Variants in COPS5 observed in about 807,000 individuals in gnomAD.
COPS5 encodes the protein COP9 signalosome subunit 5.
A neutral mutation model predicts 44.4 loss-of-function variants in COPS5; 8 were observed. The observed-to-expected ratio is 0.18, with a 90% CI of 0.11 to 0.32. The LOEUF (loss-of-function observed/expected upper bound fraction) is 0.32, where lower values mean the gene tolerates loss of function less well. Among genes scored for constraint, COPS5 ranks in the 10% least tolerant of loss-of-function variants. The pLI is 1.00. For missense variants in COPS5, 159 were observed against 406.4 expected, an observed-to-expected ratio of 0.39 and a Z score of 5.23; for synonymous variants, 122 against 142.8, an observed-to-expected ratio of 0.85 and a Z score of 1.04.
At chr8:67,045,277 C>A (rs1466352350) in intron 7 of COPS5, 1 of 152,404 alleles carries the variant, frequency 6.6e-6, no homozygotes, top group Non-Finnish European at 1.5e-5. Flanking sequence ...CATGGTGAAA[C>A]CCCATCTCTA....
At chr8:67,050,437 C>T (rs1165727377) in intron 6 of COPS5, among the ~76,000 whole-genome samples, 2 of 152,210 alleles carry the variant, frequency 1.3e-5, no homozygotes, top group Admixed American at 6.5e-5. Flanking sequence ...AAAGCACTTG[C>T]CGTGGCGCAA....
chr8:67,051,429 C>A, intron 5 of COPS5, 88 bp from the exon 6 acceptor site: 1 of 675,528 alleles, frequency 1.5e-6, no homozygotes, highest in South Asian at 1.8e-5. Context: ...AAGTGAGTTA[C>A]ACTTTATTCT....
chr8:67,045,801 T>G lies in COPS5; in HGVS notation c.920+11A>C. The G allele has an allele frequency of 6.2e-7, 1 of 1,614,066 alleles. No homozygotes were observed. Among genetic ancestry groups the G allele is most frequent in the Non-Finnish European group, 8.5e-7 (1 of 1,179,934 alleles). On this transcript the variant is annotated intron_variant, in intron 7 of 7. Transcript: ENST00000357849. ...TTAGGGGCAACAGGAATCTTATAGA[T>G]TTACTCTTACCTGTCTCTTGTAGCT...
chr8:67,059,511 T>G, intron 1 of COPS5, 66 bp from the exon 2 acceptor site: 1 of 1,207,438 alleles, frequency 8.3e-7, no homozygotes, highest in Non-Finnish European at 1.2e-6. Flanking sequence ...AAAGTTTTTA[T>G]GAAGATAAAG....
intron 1 of COPS5, chr8:67,060,444 T>C (rs1804569652): frequency 1.6e-6 from 2 of 1,288,600 alleles, no homozygotes; most frequent in Admixed American, 2.3e-5. Context: ...AGAATCCAAA[T>C]TTAATTCCTA....
In COPS5 at chr8:67,059,014, A is replaced by C. The variant is rs531539226; in HGVS notation, c.378+197T>G. On this transcript the variant is annotated intron_variant, in intron 2 of 7. Transcript: ENST00000357849. ...GTGAGTCCCTGTCTCGAAAAAAAAA[A>C]AACAACAACAACAAAAAACAAAAAA... is the stretch of plus-strand genomic sequence containing the variant. 3.9e-3 allele frequency among the ~76,000 whole-genome samples: 585 copies of C among 151,912 alleles called. 6 individuals are homozygous for C. Among genetic ancestry groups the C allele is most frequent in the South Asian group, 4.6e-3 (22 of 4,824 alleles).
intron 1 of COPS5, chr8:67,059,962 A>C (rs1804561745): frequency 6.0e-6 from 1 of 166,542 alleles, no homozygotes; most frequent in Non-Finnish European, 1.3e-5. Flanking sequence ...AATTGTTGTT[A>C]GGATGAAATA....
chr8:67,053,321 C>T (rs996898742), intron 5 of COPS5, among the ~76,000 whole-genome samples: 1 of 150,892 alleles, frequency 6.6e-6, no homozygotes, highest in Non-Finnish European at 1.5e-5. Context: ...GAACTCCTGA[C>T]CTCAAGTGAT....
chr8:67,056,811 A>C (rs1804520939), intron 4 of COPS5, among the ~76,000 whole-genome samples: 1 of 150,044 alleles, frequency 6.7e-6, no homozygotes, highest in African/African-American at 2.4e-5. Context: ...AAAAAAAAAT[A>C]CTGTTTCTAC....
chr8:67,059,203 A>T lies in COPS5; in HGVS notation c.378+8T>A, dbSNP rs1246755962. On this transcript the variant is annotated splice_region_variant and intron_variant, in intron 2 of 7. Transcript: ENST00000357849. ...CAATTACTAAACTATAAGAAACAACATTTTTACCTGTTTTGCATTTTCTAT... is the reference window on the plus strand; with the variant it reads ...CAATTACTAAACTATAAGAAACAACTTTTTTACCTGTTTTGCATTTTCTAT... 1 of 1,607,054 alleles carries T rather than the reference A, an allele frequency of 6.2e-7. No homozygotes were observed. The highest frequency in any genetic ancestry group is 8.5e-7 in the Non-Finnish European group (1 of 1,173,958).
chr8:67,061,551 C>A, intron 1 of COPS5: 1 of 444,348 alleles, frequency 2.3e-6, no homozygotes, highest in African/African-American at 2.0e-5. Flanking sequence ...AGGTGCATGT[C>A]GACACTGGGC....
chr8:67,047,299 G>A (rs1251579741), intron 6 of COPS5, among the ~76,000 whole-genome samples: 1 of 152,098 alleles, frequency 6.6e-6, no homozygotes, highest in Non-Finnish European at 1.5e-5. Context: ...TTCTTCCAAT[G>A]ATTTTTACAA....
chr8:67,047,480 A>T (rs1206235231), intron 6 of COPS5, among the ~76,000 whole-genome samples: 1 of 152,246 alleles, frequency 6.6e-6, no homozygotes, highest in African/African-American at 2.4e-5. Context: ...TAAAATGACA[A>T]TAAAAGATAT....
At chr8:67,051,082 T>C in intron 6 of COPS5, 148 bp downstream of exon 6, 2 of 612,156 alleles carry the variant, frequency 3.3e-6, no homozygotes, top group Admixed American at 5.4e-5. Context: ...AGAATCCTAA[T>C]CCAGCTGTGG....
At chr8:67,059,633 G>GC (rs1804557513) in intron 1 of COPS5, 188 bp from the exon 2 acceptor site, 1 of 583,296 alleles carries the variant, frequency 1.7e-6, no homozygotes, top group Non-Finnish European at 3.0e-6. Flanking sequence ...TCATAGTGCA[G>GC]CAACGTATCC....
chr8:67,054,141 C>G (rs1190889979), intron 5 of COPS5, among the ~76,000 whole-genome samples: 2 of 150,872 alleles, frequency 1.3e-5, no homozygotes, highest in Non-Finnish European at 2.9e-5. Context: ...AGGTGTTTGC[C>G]AAAAGAAAGT....
intron 1 of COPS5, chr8:67,060,408 G>A (rs1383159781): frequency 7.8e-7 from 1 of 1,281,914 alleles, no homozygotes; most frequent in East Asian, 5.6e-5. Context: ...TCTCTACAAA[G>A]CCTTTTTAGA....
At chr8:67,046,264 G>A (rs757777783) in intron 6 of COPS5, among the ~76,000 whole-genome samples, 3 of 152,140 alleles carry the variant, frequency 2.0e-5, no homozygotes, top group Non-Finnish European at 2.9e-5. Flanking sequence ...GAAGTATACA[G>A]ACCTAAGTCC....
At chr8:67,048,330 T>C (rs562058236) in intron 6 of COPS5, among the ~76,000 whole-genome samples, 45 of 149,586 alleles carry the variant, frequency 3.0e-4, no homozygotes, top group African/African-American at 1.1e-3. Flanking sequence ...AAATATAAAA[T>C]AAAATAAAAG....
Sources: allele counts gnomAD v4.1 joint callset (sites outside exome capture counted in the v4.1 genomes callset), GRCh38; gene constraint gnomAD v4.1.1; transcripts MANE v1.5; gene names NCBI Gene and HGNC (gene_info 2026-07-23, HGNC 2026-07-21).